The following NCAM2 variants were observed in gnomAD, a reference collection of about 807,000 sequenced individuals.
NCAM2 encodes the protein neural cell adhesion molecule 2, also known as N-CAM-2.
Under a neutral mutation model 98.1 loss-of-function variants are expected in NCAM2, and 30 were observed. The observed-to-expected ratio is 0.31, with a 90% CI of 0.23 to 0.41. The LOEUF is 0.41. Among genes scored for constraint, NCAM2 ranks in the 10% least tolerant of loss-of-function variants. The pLI is 1.00. For synonymous variants in NCAM2, 368 were observed against 342.4 expected (o/e 1.07, Z -0.83); for missense variants, 867 against 1,005.8 (o/e 0.86, Z 1.87).
chr21:21,015,772 C>T (rs1035823240), intron 1 of NCAM2, among the ~76,000 whole-genome samples: 2 of 152,150 alleles, frequency 1.3e-5, no homozygotes, highest in African/African-American at 4.8e-5. Flanking sequence ...GGCACGATCT[C>T]GGCTCACTGC....
chr21:21,448,696 T>C (rs974601533), intron 12 of NCAM2, among the ~76,000 whole-genome samples: 2 of 152,060 alleles, frequency 1.3e-5, no homozygotes, highest in Middle Eastern at 3.2e-3. Flanking sequence ...CATTTCTAAA[T>C]GACTATATTT....
At chr21:21,406,583 G>A (rs1485851092) in intron 9 of NCAM2, among the ~76,000 whole-genome samples, 1 of 152,154 alleles carries the variant, frequency 6.6e-6, no homozygotes, top group Admixed American at 6.5e-5. Flanking sequence ...ACTGGCACTG[G>A]AGGCTTTCAG....
intron 1 of NCAM2, among the ~76,000 whole-genome samples, chr21:21,244,319 T>A (rs2071180220): frequency 6.6e-6 from 1 of 152,258 alleles, no homozygotes; most frequent in Admixed American, 6.5e-5. Flanking sequence ...ACTGGAAATG[T>A]TTATTTAGTA....
At chr21:21,416,209 G>T (rs1268573706) in intron 10 of NCAM2, among the ~76,000 whole-genome samples, 2 of 152,092 alleles carry the variant, frequency 1.3e-5, no homozygotes, top group African/African-American at 4.8e-5. Context: ...AGCCAAAGAG[G>T]GAGAGAGATG....
At chr21:21,268,833 T>C (rs1348550287) in intron 1 of NCAM2, among the ~76,000 whole-genome samples, 1 of 152,154 alleles carries the variant, frequency 6.6e-6, no homozygotes, top group Non-Finnish European at 1.5e-5. Context: ...ATCAACAAAA[T>C]AGCACCAAGT....
intron 1 of NCAM2, among the ~76,000 whole-genome samples, chr21:21,089,099 C>T (rs1171138480): frequency 2.0e-5 from 3 of 151,256 alleles, no homozygotes; most frequent in Non-Finnish European, 4.4e-5. Context: ...TTTGTTTGTT[C>T]TGTTTTTGTT....
At chr21:21,534,724 T>C (rs1989890488) in intron 17 of NCAM2, 68 bp downstream of exon 17, 1 of 1,245,192 alleles carries the variant, frequency 8.0e-7, no homozygotes, top group Non-Finnish European at 1.0e-6. Flanking sequence ...ATTATTATTG[T>C]TGTATTACAT....
chr21:21,278,437 A>G (rs2072810062), intron 1 of NCAM2, among the ~76,000 whole-genome samples: 1 of 152,206 alleles, frequency 6.6e-6, no homozygotes, highest in Non-Finnish European at 1.5e-5. Flanking sequence ...CTGAATTTTC[A>G]CTGGATTTGG....
At chr21:21,238,488 T>TG (rs2070933501) in intron 1 of NCAM2, among the ~76,000 whole-genome samples, 1 of 152,062 alleles carries the variant, frequency 6.6e-6, no homozygotes, top group African/African-American at 2.4e-5. Flanking sequence ...CCCAAATATA[T>TG]TATTACATAT....
chr21:21,428,087 C>T (rs2077254446), intron 11 of NCAM2, among the ~76,000 whole-genome samples: 1 of 152,184 alleles, frequency 6.6e-6, no homozygotes, highest in South Asian at 2.1e-4. Context: ...CATATCCAGT[C>T]TCTTAATCCA....
chr21:21,096,486 AAAAC>A (rs1224946189), intron 1 of NCAM2, among the ~76,000 whole-genome samples: 1 of 151,798 alleles, frequency 6.6e-6, no homozygotes, highest in Non-Finnish European at 1.5e-5. Context: ...AGAAAGATAA[AAAAC>A]AAATATGTAT....
intron 12 of NCAM2, among the ~76,000 whole-genome samples, chr21:21,441,242 G>C (rs1979221747): frequency 6.6e-6 from 1 of 152,044 alleles, no homozygotes; most frequent in African/African-American, 2.4e-5. Flanking sequence ...ACGAAGCATG[G>C]AATACCAAAA....
chr21:21,401,736 A>C (rs759321441), intron 9 of NCAM2, among the ~76,000 whole-genome samples: 6 of 152,276 alleles, frequency 3.9e-5, no homozygotes, highest in Non-Finnish European at 8.8e-5. Context: ...GACTATTGTG[A>C]ATAATGCTGC....
chr21:21,320,112 G>A (rs554909870), intron 5 of NCAM2, among the ~76,000 whole-genome samples: 36 of 152,122 alleles, frequency 2.4e-4, no homozygotes, highest in Non-Finnish European at 4.6e-4. Context: ...TGGCAGTTAG[G>A]TCACGGCTTT....
intron 15 of NCAM2, among the ~76,000 whole-genome samples, chr21:21,506,389 A>G (rs922198034): frequency 8.5e-5 from 13 of 152,166 alleles, no homozygotes; most frequent in African/African-American, 1.7e-4. Context: ...TGATAGATTC[A>G]GAAGTGAGTC....
intron 1 of NCAM2, among the ~76,000 whole-genome samples, chr21:21,191,666 C>A (rs541911891): frequency 6.6e-6 from 1 of 152,220 alleles, no homozygotes; most frequent in East Asian, 1.9e-4. Context: ...CATATTGGCA[C>A]TATTTGTTTT....
chr21:21,199,447 G>T (rs894549148), intron 1 of NCAM2, among the ~76,000 whole-genome samples: 23 of 152,142 alleles, frequency 1.5e-4, no homozygotes, highest in African/African-American at 4.8e-4. Context: ...GACTGAGCTT[G>T]GAGAAAAAGC....
chr21:21,427,969 C>T (rs748983700), intron 11 of NCAM2, among the ~76,000 whole-genome samples: 2 of 152,168 alleles, frequency 1.3e-5, no homozygotes, highest in Non-Finnish European at 2.9e-5. Context: ...CGCCGTCGTA[C>T]TATTCTAATC....
intron 13 of NCAM2, among the ~76,000 whole-genome samples, chr21:21,468,264 A>G (rs1983982217): frequency 6.6e-6 from 1 of 151,998 alleles, no homozygotes; most frequent in Admixed American, 6.6e-5. Flanking sequence ...ATACAGACTG[A>G]TGTGTTAATG....
Sources: allele counts gnomAD v4.1 joint callset (sites outside exome capture counted in the v4.1 genomes callset), GRCh38; gene constraint gnomAD v4.1.1; transcripts MANE v1.5; gene names NCBI Gene and HGNC (gene_info 2026-07-23, HGNC 2026-07-21).